PRH1: variants seen among roughly 807,000 people sequenced by gnomAD.
The protein encoded by PRH1 is proline rich protein HaeIII subfamily 1.
Under a neutral mutation model 7.9 loss-of-function variants are expected in PRH1, and 7 were observed. The observed-to-expected ratio is 0.89, with a 90% CI of 0.50 to 1.67. PRH1 has a LOEUF of 1.67. PRH1 is among the 40% of genes most tolerant of loss of function. The pLI is 0.00. For missense variants in PRH1, 109 were observed against 223.6 expected (o/e 0.49, Z 3.27); for synonymous variants, 45 against 80.8 (o/e 0.56, Z 2.38).
chr12:11,070,153 C>A (rs61912079), intron 1 of PRH1, among the ~76,000 whole-genome samples: 3 of 151,734 alleles, frequency 2.0e-5, no homozygotes, highest in African/African-American at 7.3e-5. Context: ...TGGTCACAGG[C>A]GCCAGGGAGA....
intron 1 of PRH1, among the ~76,000 whole-genome samples, chr12:11,111,563 A>G (rs1209255076): frequency 6.6e-6 from 1 of 152,238 alleles, no homozygotes; most frequent in Non-Finnish European, 1.5e-5. Flanking sequence ...CTGAGTAAAT[A>G]ACGATATTAA....
chr12:10,947,273 G>A (rs1950502781), intron 2 of PRH1, among the ~76,000 whole-genome samples: 1 of 152,142 alleles, frequency 6.6e-6, no homozygotes, highest in African/African-American at 2.4e-5. Flanking sequence ...CTATTTGTAG[G>A]TCTCTAAGAA....
chr12:11,050,152 G>A (rs1182085454), upstream of PRH1, among the ~76,000 whole-genome samples: 1 of 152,154 alleles, frequency 6.6e-6, no homozygotes, highest in African/African-American at 2.4e-5. Context: ...CAGAAATATA[G>A]TGTGTGGAGT....
chr12:10,929,078 C>A (rs1237531648), intron 2 of PRH1, among the ~76,000 whole-genome samples: 1 of 152,218 alleles, frequency 6.6e-6, no homozygotes, highest in Non-Finnish European at 1.5e-5. Context: ...CCCAACCCTT[C>A]CTGCTAGGCT....
intron 1 of PRH1, chr12:11,133,293 C>T (rs772327070): frequency 6.2e-7 from 1 of 1,605,846 alleles, no homozygotes; most frequent in South Asian, 1.1e-5. Flanking sequence ...TGCTAGAAGA[C>T]ACACAATGCC....
intron 1 of PRH1, among the ~76,000 whole-genome samples, chr12:11,012,233 A>G (rs1941100015): frequency 6.6e-6 from 1 of 152,122 alleles, no homozygotes; most frequent in Admixed American, 6.6e-5. Flanking sequence ...ATCGGTCTTC[A>G]ATATTGGATA....
At chr12:11,081,954 C>T in intron 1 of PRH1, among the ~76,000 whole-genome samples, 1 of 104,386 alleles carries the variant, frequency 9.6e-6, no homozygotes, top group Middle Eastern at 4.2e-3. Context: ...CATAGTGTTA[C>T]ATGGATTAGT....
chr12:11,017,586 T>C (rs374768307), intron 1 of PRH1, among the ~76,000 whole-genome samples: 3 of 152,094 alleles, frequency 2.0e-5, no homozygotes, highest in East Asian at 3.9e-4. Flanking sequence ...CTGGGTTCAA[T>C]CAATTCAAAT....
chr12:10,915,443 T>C lies in PRH1; in HGVS notation c.-58-31168A>G, dbSNP rs527979359. ...AGACTAGACAAAAACTGTGACTTGT[T>C]TGCTTGTATGTGAAGCTGACAGGAA... On this transcript the variant is annotated intron_variant, in intron 2 of 3. Transcript: ENST00000539853. 4.2e-4 allele frequency among the ~76,000 whole-genome samples: 46 copies of C among 109,530 alleles called. 4 individuals carry two copies. Among genetic ancestry groups the C allele is most frequent in the African/African-American group, 1.1e-3 (45 of 39,414 alleles). 71.9% of individuals were successfully genotyped at this position (109,530 alleles called of 152,430 possible).
chr12:11,069,093 T>C (rs1591943447), intron 1 of PRH1, among the ~76,000 whole-genome samples: 1 of 149,266 alleles, frequency 6.7e-6, no homozygotes, highest in East Asian at 1.9e-4. Context: ...AATTGTCATA[T>C]TTTTGCTAGA....
chr12:10,942,693 A>T (rs1253175186), intron 2 of PRH1, among the ~76,000 whole-genome samples: 1 of 152,140 alleles, frequency 6.6e-6, no homozygotes, highest in Non-Finnish European at 1.5e-5. Context: ...AGTCTGCACA[A>T]TGGATTTGAA....
intron 1 of PRH1, among the ~76,000 whole-genome samples, chr12:11,152,296 C>T (rs1221035490): frequency 1.6e-5 from 2 of 125,978 alleles, no homozygotes; most frequent in Admixed American, 9.5e-5. Context: ...TTAAATATAA[C>T]CTACAACTCT....
upstream of PRH1, among the ~76,000 whole-genome samples, chr12:10,885,620 G>A (rs1219509448): frequency 2.0e-5 from 3 of 152,130 alleles, no homozygotes; most frequent in Non-Finnish European, 2.9e-5. Context: ...TGGTTTTGTC[G>A]CTCTCTCCTC....
intron 2 of PRH1, among the ~76,000 whole-genome samples, chr12:10,952,203 G>T (rs769550738): frequency 2.0e-5 from 3 of 152,144 alleles, no homozygotes; most frequent in African/African-American, 4.8e-5. Context: ...TTCCACTTTT[G>T]AATAGATGTA....
rs1366595102 is a variant in PRH1, at chr12:11,087,021, T to C, written n.124-39833A>G. ...TTACTACTTTCAAGTTTACCTCTTA[T>C]AGGCAGGAACCAAAGATTGTTCATT... On this transcript the variant is annotated intron_variant and non_coding_transcript_variant, in intron 1 of 4. Coordinates refer to the PRH1 transcript ENST00000541977. Among the ~76,000 whole-genome samples, 14 of 116,670 alleles carry C rather than the reference T, an allele frequency of 1.2e-4. 3 individuals are homozygous for C. In the South Asian group the frequency reaches 3.0e-3, roughly 25 times the overall value. The allele number at this position is 116,670 out of a possible 152,430, so 76.5% of individuals were successfully genotyped here.
intron 1 of PRH1, chr12:10,986,309 G>C: frequency 6.2e-7 from 1 of 1,614,026 alleles, no homozygotes; most frequent in Non-Finnish European, 8.5e-7. Context: ...AGGGTATGAA[G>C]CTCCATAGGG....
intron 1 of PRH1, among the ~76,000 whole-genome samples, chr12:11,168,019 A>C (rs1289008346): frequency 6.6e-6 from 1 of 151,914 alleles, no homozygotes; most frequent in Non-Finnish European, 1.5e-5. Flanking sequence ...AATACAATAG[A>C]TCTTAATAAT....
At chr12:11,153,938 CAA>C (rs1471533232) in intron 1 of PRH1, among the ~76,000 whole-genome samples, 2 of 151,936 alleles carry the variant, frequency 1.3e-5, no homozygotes, top group African/African-American at 2.4e-5. Context: ...AAATGGCAAA[CAA>C]GAGAGCGAAA....
chr12:11,047,661 A>G (rs1250073504), upstream of PRH1, among the ~76,000 whole-genome samples: 1 of 152,076 alleles, frequency 6.6e-6, no homozygotes, highest in Admixed American at 6.6e-5. Flanking sequence ...ATCTATTCAC[A>G]TACTACTATT....
Sources: allele counts gnomAD v4.1 joint callset (sites outside exome capture counted in the v4.1 genomes callset), GRCh38; gene constraint gnomAD v4.1.1; transcripts MANE v1.5; gene names NCBI Gene and HGNC (gene_info 2026-07-23, HGNC 2026-07-21).